Variants in TMEM163 observed in about 807,000 individuals in gnomAD.
TMEM163 encodes transmembrane protein 163.
A neutral mutation model predicts 29.3 loss-of-function variants in TMEM163; 17 were observed. That is an observed-to-expected ratio of 0.58 (90% CI 0.40 to 0.87). The LOEUF (loss-of-function observed/expected upper bound fraction) is 0.87. Ranked by LOEUF, TMEM163 falls within the 40% of genes least tolerant of loss-of-function variation. TMEM163 has a pLI of 0.00. For synonymous variants in TMEM163, 157 were observed against 160.6 expected (o/e 0.98, Z 0.17); for missense variants, 303 against 381.5 (o/e 0.79, Z 1.71).
intron 2 of TMEM163, among the ~76,000 whole-genome samples, chr2:134,612,542 A>AACACACACACACACACACACACAC (rs3039625): frequency 1.9e-4 from 27 of 140,658 alleles, no homozygotes; most frequent in African/African-American, 6.2e-4. Context: ...GGTTTGCCCC[A>AACACACACACACACACACACACAC]ACACACACAC....
intron 2 of TMEM163, among the ~76,000 whole-genome samples, chr2:134,669,725 G>A (rs1021597152): frequency 1.3e-5 from 2 of 152,234 alleles, no homozygotes; most frequent in Non-Finnish European, 2.9e-5. Flanking sequence ...GGTCACACAA[G>A]GCAAATCGGC....
chr2:134,715,301 A>G (rs1685014999), intron 1 of TMEM163, among the ~76,000 whole-genome samples: 1 of 152,112 alleles, frequency 6.6e-6, no homozygotes, highest in African/African-American at 2.4e-5. Context: ...TGCTTCACCC[A>G]CCAGTGAAAC....
intron 5 of TMEM163, among the ~76,000 whole-genome samples, chr2:134,472,133 C>T (rs1432331174): frequency 6.6e-6 from 1 of 152,194 alleles, no homozygotes; most frequent in Non-Finnish European, 1.5e-5. Context: ...AAATTTTGTC[C>T]ATGCTGGCAA....
chr2:134,621,748 G>A (rs191899128), intron 2 of TMEM163, among the ~76,000 whole-genome samples: 8 of 152,056 alleles, frequency 5.3e-5, no homozygotes, highest in Admixed American at 2.0e-4. Context: ...AAAATTAGCC[G>A]GGCGTGGTGG....
intron 2 of TMEM163, among the ~76,000 whole-genome samples, chr2:134,610,381 A>G (rs1682476415): frequency 6.6e-6 from 1 of 152,204 alleles, no homozygotes; most frequent in African/African-American, 2.4e-5. Context: ...GCAGTTTGCA[A>G]ATCTCAGCGT....
rs1254408943 is a variant in TMEM163 at position 134,653,040 on chromosome 2, T to C, written c.322+60160A>G. ...GTTGTGTCTCTGCCCGGTTTTGGTA[T>C]CAGAATGATGCTGGCCTCATAAAAT... On this transcript the variant is annotated intron_variant, in intron 2 of 7. Coordinates refer to ENST00000281924, the MANE Select transcript of TMEM163 (RefSeq NM_030923.5). 2.3e-5 allele frequency among the ~76,000 whole-genome samples: 3 copies of C among 132,442 alleles called. 1 individual carries two copies. Among genetic ancestry groups the C allele is most frequent in the Non-Finnish European group, 3.1e-5 (2 of 64,772 alleles). 86.9% of individuals were successfully genotyped at this position (132,442 alleles called of 152,430 possible).
chr2:134,685,862 T>C (rs926753183), intron 2 of TMEM163, among the ~76,000 whole-genome samples: 5 of 152,262 alleles, frequency 3.3e-5, no homozygotes, highest in African/African-American at 1.2e-4. Flanking sequence ...CATTCACTTG[T>C]ACTTTTTCAT....
rs989691126 is a variant in TMEM163 at position 134,491,085 on chromosome 2, AGTTT to A, written c.555+11812_555+11815del. On this transcript the variant is annotated intron_variant, in intron 5 of 7. Coordinates refer to ENST00000281924, the MANE Select transcript of TMEM163 (RefSeq NM_030923.5). ...TACAGAGAGAAAGAAGAGCTAAGTT[AGTTT>A]GTTTTCACATTCCAGATGGAAACAT... 7.2e-5 allele frequency among the ~76,000 whole-genome samples: 11 copies of A among 152,274 alleles called. 1 individual carries two copies. Among genetic ancestry groups the A allele is most frequent in the African/African-American group, 2.4e-4 (10 of 41,548 alleles).
chr2:134,696,534 A>C (rs769418051), intron 2 of TMEM163, among the ~76,000 whole-genome samples: 6 of 152,090 alleles, frequency 3.9e-5, no homozygotes, highest in Non-Finnish European at 7.4e-5. Context: ...TGAACATGAG[A>C]TTTCTCTCTA....
At chr2:134,709,031 C>T (rs1286577474) in intron 2 of TMEM163, among the ~76,000 whole-genome samples, 1 of 152,102 alleles carries the variant, frequency 6.6e-6, no homozygotes, top group Non-Finnish European at 1.5e-5. Flanking sequence ...GTATTGAGTG[C>T]CTAAAAATTA....
chr2:134,597,933 C>T lies in TMEM163; in HGVS notation c.323-45842G>A, dbSNP rs182905882. ...ATTTATAGTATTCTCTGATGGTAGT[C>T]TGTATTTCTGTGGGATCGGTGGTGA... is the stretch of plus-strand genomic sequence containing the variant. On this transcript the variant is annotated intron_variant, in intron 2 of 7. Coordinates refer to ENST00000281924, the MANE Select transcript of TMEM163 (RefSeq NM_030923.5). 5.8e-3 allele frequency among the ~76,000 whole-genome samples: 882 copies of T among 152,180 alleles called. 7 individuals carry two copies. The highest frequency in any genetic ancestry group is 0.017 in the Middle Eastern group (5 of 294).
intron 4 of TMEM163, among the ~76,000 whole-genome samples, chr2:134,533,417 A>G (rs1315557211): frequency 6.6e-6 from 1 of 152,230 alleles, no homozygotes; most frequent in Non-Finnish European, 1.5e-5. Context: ...TTTGCAAAGT[A>G]AGTATTCTGG....
intron 2 of TMEM163, among the ~76,000 whole-genome samples, chr2:134,678,166 C>T (rs1684155298): frequency 6.6e-6 from 1 of 152,198 alleles, no homozygotes; most frequent in South Asian, 2.1e-4. Flanking sequence ...TTTATCACAT[C>T]TGCTCCATTT....
At chr2:134,668,876 A>G (rs138340729) in intron 2 of TMEM163, among the ~76,000 whole-genome samples, 78 of 152,316 alleles carry the variant, frequency 5.1e-4, no homozygotes, top group African/African-American at 1.8e-3. Context: ...AACCTTGCCC[A>G]GTGCGGTCAT....
At chr2:134,638,932 G>A (rs1465751405) in intron 2 of TMEM163, among the ~76,000 whole-genome samples, 3 of 152,182 alleles carry the variant, frequency 2.0e-5, no homozygotes, top group African/African-American at 7.2e-5. Context: ...ACTCAGAAGG[G>A]ACAGGAATGG....
chr2:134,488,988 A>G (rs908881492), intron 5 of TMEM163, among the ~76,000 whole-genome samples: 3 of 152,190 alleles, frequency 2.0e-5, no homozygotes, highest in Non-Finnish European at 4.4e-5. Flanking sequence ...TAACATTCTG[A>G]GAACATGAAC....
chr2:134,621,496 A>T (rs1163639549), intron 2 of TMEM163, among the ~76,000 whole-genome samples: 1 of 152,254 alleles, frequency 6.6e-6, no homozygotes, highest in Admixed American at 6.5e-5. Flanking sequence ...GAGAAATGAA[A>T]CTATACATCC....
chr2:134,456,579 G>A lies in TMEM163; in HGVS notation c.*137C>T. The stretch of plus-strand genomic sequence containing the variant: ...GGGCAAGGTAGATCCACCTGGCTGG[G>A]CAGACCTTGTCTTGTAATGACAAAC... On this transcript the variant is annotated 3_prime_UTR_variant, in exon 8 of 8. Coordinates refer to ENST00000281924, the MANE Select transcript of TMEM163 (RefSeq NM_030923.5). 1 of 1,053,128 alleles carries A rather than the reference G, an allele frequency of 9.5e-7. No homozygotes were observed. Among genetic ancestry groups the A allele is most frequent in the African/African-American group, 1.6e-5 (1 of 63,900 alleles). 65.2% of individuals were successfully genotyped at this position (1,053,128 alleles called of 1,614,324 possible).
chr2:134,540,280 T>C (rs1680637652), intron 4 of TMEM163, among the ~76,000 whole-genome samples: 1 of 152,240 alleles, frequency 6.6e-6, no homozygotes, highest in Non-Finnish European at 1.5e-5. Context: ...GCCATCTGCC[T>C]GGGGACCCAG....
Sources: allele counts gnomAD v4.1 joint callset (sites outside exome capture counted in the v4.1 genomes callset), GRCh38; gene constraint gnomAD v4.1.1; transcripts MANE v1.5; gene names NCBI Gene and HGNC (gene_info 2026-07-23, HGNC 2026-07-21).